Variants in ADAMTSL3 observed in about 807,000 individuals in gnomAD.
ADAMTSL3 encodes the protein ADAMTS like 3.
In ADAMTSL3, 128 loss-of-function variants were observed where a neutral mutation model predicts 201.7. The ratio of observed to expected loss-of-function variants is 0.63; its 90% CI spans 0.55 to 0.73. The LOEUF (loss-of-function observed/expected upper bound fraction) is 0.73, where lower values mean the gene tolerates loss of function less well. Ranked by LOEUF, ADAMTSL3 falls within the 30% of genes least tolerant of loss-of-function variation. The probability of loss-of-function intolerance (pLI) is 0.00; values close to 1 mark genes in which losing one functional copy is unlikely to be tolerated. For synonymous variants in ADAMTSL3, 738 were observed against 748.4 expected, an observed-to-expected ratio of 0.99 and a Z score of 0.23; for missense variants, 1,990 against 2,119.6, an observed-to-expected ratio of 0.94 and a Z score of 1.20.
intron 3 of ADAMTSL3, among the ~76,000 whole-genome samples, chr15:83,721,001 T>C (rs1231682156): frequency 1.3e-5 from 2 of 152,236 alleles, no homozygotes; most frequent in Admixed American, 6.5e-5. Context: ...TGTAAAATAC[T>C]TGAATAAGAA....
At chr15:83,690,096 G>A (rs1266829574) in intron 2 of ADAMTSL3, among the ~76,000 whole-genome samples, 2 of 152,106 alleles carry the variant, frequency 1.3e-5, no homozygotes, top group African/African-American at 4.8e-5. Context: ...TGAGTTCTGA[G>A]ATATGTTATT....
chr15:83,704,629 C>A, intron 3 of ADAMTSL3, 121 bp downstream of exon 3: 1 of 1,293,372 alleles, frequency 7.7e-7, no homozygotes, highest in Non-Finnish European at 1.1e-6. Flanking sequence ...TACAACAGAC[C>A]CTTGACACCC....
chr15:83,970,026 T>A (rs1377208050), intron 19 of ADAMTSL3, among the ~76,000 whole-genome samples: 1 of 152,170 alleles, frequency 6.6e-6, no homozygotes, highest in Non-Finnish European at 1.5e-5. Flanking sequence ...ACCCATCACA[T>A]TGTACACATT....
At chr15:83,764,482 C>T (rs1050922948) in intron 3 of ADAMTSL3, among the ~76,000 whole-genome samples, 8 of 152,114 alleles carry the variant, frequency 5.3e-5, no homozygotes, top group Admixed American at 1.3e-4. Flanking sequence ...TGGCAAATAA[C>T]GAGCACTGCA....
At chr15:83,870,200 G>C (rs1200644858) in intron 8 of ADAMTSL3, among the ~76,000 whole-genome samples, 1 of 152,154 alleles carries the variant, frequency 6.6e-6, no homozygotes, top group Non-Finnish European at 1.5e-5. Flanking sequence ...TTTTGATTGT[G>C]GTGGTGGGTG....
At chr15:83,993,723 T>A (rs949087342) in intron 23 of ADAMTSL3, among the ~76,000 whole-genome samples, 2 of 152,224 alleles carry the variant, frequency 1.3e-5, no homozygotes, top group African/African-American at 4.8e-5. Flanking sequence ...TTAAAACTTC[T>A]AACTTGCGAG....
At chr15:83,658,109 CTTTCT>C (rs1210104395) in intron 2 of ADAMTSL3, among the ~76,000 whole-genome samples, 7 of 152,086 alleles carry the variant, frequency 4.6e-5, no homozygotes, top group South Asian at 2.1e-4. Context: ...ATAGAGTTTC[CTTTCT>C]TTTCTTTTCT....
At chr15:83,741,025 T>A (rs2062446305) in intron 3 of ADAMTSL3, among the ~76,000 whole-genome samples, 1 of 152,052 alleles carries the variant, frequency 6.6e-6, no homozygotes, top group Admixed American at 6.6e-5. Flanking sequence ...AGAGGACATG[T>A]ATTTCCTATG....
intron 3 of ADAMTSL3, among the ~76,000 whole-genome samples, chr15:83,743,340 C>T (rs1454642504): frequency 6.6e-6 from 1 of 151,780 alleles, no homozygotes; most frequent in East Asian, 1.9e-4. Context: ...GGTGAAACCC[C>T]GTCTCTACTA....
intron 3 of ADAMTSL3, among the ~76,000 whole-genome samples, chr15:83,715,376 C>T (rs568498361): frequency 6.6e-6 from 1 of 152,334 alleles, no homozygotes; most frequent in East Asian, 1.9e-4. Flanking sequence ...TGGCTACATA[C>T]ATGAATACAT....
chr15:83,826,104 T>A (rs1490140420), intron 6 of ADAMTSL3, among the ~76,000 whole-genome samples: 1 of 151,958 alleles, frequency 6.6e-6, no homozygotes, highest in Non-Finnish European at 1.5e-5. Context: ...TTCTAAAGAT[T>A]AAGGATGTAT....
intron 16 of ADAMTSL3, among the ~76,000 whole-genome samples, chr15:83,914,629 G>A (rs1005943961): frequency 6.6e-6 from 1 of 152,106 alleles, no homozygotes; most frequent in African/African-American, 2.4e-5. Flanking sequence ...ACTTGCTTCT[G>A]TCTGGTTGCT....
chr15:83,795,076 A>G (rs2063402538), intron 4 of ADAMTSL3, among the ~76,000 whole-genome samples: 2 of 151,928 alleles, frequency 1.3e-5, no homozygotes, highest in South Asian at 4.2e-4. Context: ...CTGGTCTCGA[A>G]CTCCTGACCT....
intron 5 of ADAMTSL3, among the ~76,000 whole-genome samples, chr15:83,815,006 G>A (rs1294426870): frequency 6.6e-6 from 1 of 152,128 alleles, no homozygotes; most frequent in Non-Finnish European, 1.5e-5. Context: ...AGATGGTTTG[G>A]GAAATGGGTG....
At chr15:84,008,835 C>G (rs2067948723) in intron 23 of ADAMTSL3, among the ~76,000 whole-genome samples, 1 of 152,194 alleles carries the variant, frequency 6.6e-6, no homozygotes, top group Non-Finnish European at 1.5e-5. Flanking sequence ...ACTTACTTCT[C>G]TCATAGTGTC....
intron 2 of ADAMTSL3, among the ~76,000 whole-genome samples, chr15:83,666,722 G>A (rs2061252742): frequency 6.6e-6 from 1 of 151,910 alleles, no homozygotes; most frequent in Admixed American, 6.6e-5. Flanking sequence ...GTGTGCCTGT[G>A]GTGCCAGCTA....
chr15:83,908,984 G>A (rs1158631693), intron 15 of ADAMTSL3, among the ~76,000 whole-genome samples: 1 of 152,188 alleles, frequency 6.6e-6, no homozygotes, highest in South Asian at 2.1e-4. Context: ...TTTCCTTGCT[G>A]ACTGTGGGCT....
intron 28 of ADAMTSL3, among the ~76,000 whole-genome samples, chr15:84,032,436 T>C (rs762519171): frequency 2.4e-4 from 37 of 152,158 alleles, no homozygotes; most frequent in Non-Finnish European, 5.1e-4. Context: ...AAATGGAAAA[T>C]GTTTGGAACG....
At chr15:83,994,687 C>T (rs566461146) in intron 23 of ADAMTSL3, among the ~76,000 whole-genome samples, 16 of 146,408 alleles carry the variant, frequency 1.1e-4, no homozygotes, top group Admixed American at 4.2e-4. Context: ...ATCTCTGCCT[C>T]CCAGGTTCAA....
Sources: allele counts gnomAD v4.1 joint callset (sites outside exome capture counted in the v4.1 genomes callset), GRCh38; gene constraint gnomAD v4.1.1; transcripts MANE v1.5; gene names NCBI Gene and HGNC (gene_info 2026-07-23, HGNC 2026-07-21).